The following BBS5 variants were observed in gnomAD, a reference collection of about 807,000 sequenced individuals.
BBS5 encodes the protein Bardet-Biedl syndrome 5.
In BBS5, 39 loss-of-function variants were observed where a neutral mutation model predicts 50.2. The ratio of observed to expected loss-of-function variants is 0.78; its 90% CI spans 0.60 to 1.01. BBS5 has a LOEUF of 1.01. Ranked by LOEUF, BBS5 falls within the 50% of genes least tolerant of loss-of-function variation. BBS5 has a pLI of 0.00. For synonymous variants in BBS5, 134 were observed against 133.1 expected (o/e 1.01, Z -0.05); for missense variants, 356 against 401.5 (o/e 0.89, Z 0.97).
chr2:169,495,344 T>C (rs1683674419), intron 7 of BBS5, among the ~76,000 whole-genome samples: 1 of 152,252 alleles, frequency 6.6e-6, no homozygotes, highest in South Asian at 2.1e-4. Flanking sequence ...CTAACTTCTA[T>C]TATGCTGAAT....
In BBS5 at chr2:169,504,603, A is replaced by C; in HGVS notation, c.*21A>C. On this transcript the variant is annotated 3_prime_UTR_variant, in exon 12 of 12. Coordinates refer to ENST00000295240, the MANE Select transcript of BBS5 (RefSeq NM_152384.3). Reference sequence around the variant, plus strand: ...GTTGATTGACCTTGAGTTGAGATGGATTTCTATTAAAGATATCTCTAGTTT... The same window carrying C: ...GTTGATTGACCTTGAGTTGAGATGGCTTTCTATTAAAGATATCTCTAGTTT... 6.5e-7 allele frequency: 1 copy of C among 1,528,602 alleles called. No individual in the cohort carries two copies. The highest frequency in any genetic ancestry group is 9.1e-7 in the Non-Finnish European group (1 of 1,102,054). The allele number at this position is 1,528,602 out of a possible 1,614,324, so 94.7% of individuals were successfully genotyped here. A position where few individuals can be genotyped will look rare whatever the true frequency, so the allele number is the denominator to read the frequency against.
In BBS5 at chr2:169,492,958, A is replaced by G; in HGVS notation, c.471A>G (p.Gln157=). 6.2e-7 allele frequency: 1 copy of G among 1,613,696 alleles called. No homozygotes were observed. Among genetic ancestry groups the G allele is most frequent in the Non-Finnish European group, 8.5e-7 (1 of 1,179,740 alleles). The change falls in exon 6 of 12, where the codon CAA becomes CAG. Residue 157 remains glutamine (Q), a synonymous_variant. Coordinates refer to ENST00000295240, the MANE Select transcript of BBS5 (RefSeq NM_152384.3). The part of the protein sequence containing the change: ...IQNKQLRLLP[Q]EHVYDKINGV... ...ACAAGCAACTAAGACTGTTGCCACA[A>G]GAACATGTATATGATAAAATAAATG...
At chr2:169,481,405 C>CAGGG (rs1553526457) in intron 1 of BBS5, among the ~76,000 whole-genome samples, 10 of 152,162 alleles carry the variant, frequency 6.6e-5, no homozygotes, top group Non-Finnish European at 4.4e-5. Flanking sequence ...TAGCTAAAGG[C>CAGGG]AGGGTCTGCT....
intron 8 of BBS5, among the ~76,000 whole-genome samples, 172 bp downstream of exon 8, chr2:169,497,861 A>T (rs1041321238): frequency 6.6e-6 from 1 of 152,188 alleles, no homozygotes; most frequent in Non-Finnish European, 1.5e-5. Flanking sequence ...CAGAGGAAGA[A>T]TCCTGCTTAT....
chr2:169,480,191 C>G (rs558278198), intron 1 of BBS5, among the ~76,000 whole-genome samples: 2 of 152,298 alleles, frequency 1.3e-5, no homozygotes, highest in East Asian at 3.9e-4. Context: ...ATATCAGTCA[C>G]CAACAAGAAG....
chr2:169,496,921 T>C (rs1332627714), intron 7 of BBS5, among the ~76,000 whole-genome samples: 1 of 151,952 alleles, frequency 6.6e-6, no homozygotes, highest in Non-Finnish European at 1.5e-5. Flanking sequence ...TGTAGCCATC[T>C]ATGATGTAAG....
intron 1 of BBS5, among the ~76,000 whole-genome samples, chr2:169,481,405 C>T (rs1313789374): frequency 6.6e-6 from 1 of 152,162 alleles, no homozygotes; most frequent in East Asian, 1.9e-4. Context: ...TAGCTAAAGG[C>T]AGGGTCTGCT....
intron 3 of BBS5, 90 bp from the exon 4 acceptor site, chr2:169,487,716 A>T: frequency 1.1e-6 from 1 of 889,852 alleles, no homozygotes; most frequent in Non-Finnish European, 1.8e-6. Context: ...TTAAACTGTT[A>T]AAAGTTCTGT....
At chr2:169,482,914 GTC>G (rs1260396377) in intron 2 of BBS5, among the ~76,000 whole-genome samples, 1 of 152,162 alleles carries the variant, frequency 6.6e-6, no homozygotes. Flanking sequence ...ACTTTTAAAA[GTC>G]CAGGCTGCCC....
chr2:169,488,196 C>T, intron 5 of BBS5, 82 bp downstream of exon 5: 2 of 1,371,284 alleles, frequency 1.5e-6, no homozygotes, highest in South Asian at 1.2e-5. Flanking sequence ...ACCTTTTTGG[C>T]ACCAGGGACC....
At chr2:169,483,376 G>T (rs928060829) in intron 2 of BBS5, among the ~76,000 whole-genome samples, 2 of 151,838 alleles carry the variant, frequency 1.3e-5, no homozygotes, top group South Asian at 2.1e-4. Flanking sequence ...CATATGTCTC[G>T]AACTCCTGAC....
In BBS5 at chr2:169,501,637, G is replaced by A. The variant is rs143136477; in HGVS notation, c.817-1458G>A. The stretch of plus-strand genomic sequence containing the variant: ...GCCGGCCTGTAGTCTTAACTACTCC[G>A]GAGGCTGAGATGGGAGGATTGCTTG... On this transcript the variant is annotated intron_variant, in intron 9 of 11. Coordinates refer to ENST00000295240, the MANE Select transcript of BBS5 (RefSeq NM_152384.3). Among the ~76,000 whole-genome samples, 53 of 152,106 alleles carry A rather than the reference G, an allele frequency of 3.5e-4. No individual in the cohort carries two copies. In the East Asian group the frequency reaches 7.3e-3, roughly 21 times the overall value.
rs1683759460 is a variant in BBS5, at chr2:169,499,507, T to C, written c.703T>C (p.Phe235Leu). 5.6e-6 allele frequency: 9 copies of C among 1,613,750 alleles called. No homozygotes were observed. The highest frequency in any genetic ancestry group is 7.6e-6 in the Non-Finnish European group (9 of 1,179,692). ...GTAGAGTGGTGGATATGTTCTTGGC[T>C]TTAAAATAGATCCTGTGGAAAAACT... ...SQQSGGYVLGFKIDPVEKLQE... is the reference protein window; with the variant it reads ...SQQSGGYVLGLKIDPVEKLQE... The change falls in exon 9 of 12, where the codon TTT (phenylalanine) becomes CTT (leucine). Residue 235 changes from phenylalanine (F) to leucine (L), a missense_variant. Phe to Leu is a conservative substitution (Grantham distance 22, BLOSUM62 0). Coordinates refer to ENST00000295240, the MANE Select transcript of BBS5 (RefSeq NM_152384.3).
chr2:169,482,501 G>A, intron 2 of BBS5, 168 bp downstream of exon 2: 1 of 608,816 alleles, frequency 1.6e-6, no homozygotes, highest in Non-Finnish European at 2.9e-6. Context: ...GACAGGATAG[G>A]TATTAAACAT....
At chr2:169,480,973 C>T (rs1443354199) in intron 1 of BBS5, among the ~76,000 whole-genome samples, 1 of 152,104 alleles carries the variant, frequency 6.6e-6, no homozygotes, top group Non-Finnish European at 1.5e-5. Context: ...CCACTGCGCC[C>T]GGCGACATTT....
chr2:169,501,454 G>A (rs778817261), intron 9 of BBS5, among the ~76,000 whole-genome samples: 3 of 152,164 alleles, frequency 2.0e-5, no homozygotes, highest in African/African-American at 4.8e-5. Context: ...GGCTAGCCAC[G>A]GTGGCTTATG....
intron 5 of BBS5, among the ~76,000 whole-genome samples, chr2:169,492,229 C>T (rs1339097304): frequency 1.3e-5 from 2 of 152,020 alleles, no homozygotes; most frequent in African/African-American, 2.4e-5. Flanking sequence ...TGGTGGCTCA[C>T]GCCTGTAATC....
intron 2 of BBS5, among the ~76,000 whole-genome samples, chr2:169,486,798 C>G (rs1683494449): frequency 6.6e-6 from 1 of 152,130 alleles, no homozygotes. Context: ...GTACACAATT[C>G]TTTCTTCAGT....
intron 2 of BBS5, among the ~76,000 whole-genome samples, chr2:169,483,391 A>G (rs1425185678): frequency 6.6e-6 from 1 of 152,096 alleles, no homozygotes; most frequent in African/African-American, 2.4e-5. Flanking sequence ...CCTGACTTCA[A>G]GTGACCCACC....
Sources: gnomAD v4.1 joint callset for allele counts (sites outside exome capture counted in the v4.1 genomes callset) on GRCh38, gnomAD v4.1.1 for gene constraint, MANE v1.5 for transcripts, NCBI Gene and HGNC (gene_info 2026-07-23, HGNC 2026-07-21) for gene names.